The following CENPK variants were observed in gnomAD, a reference collection of about 807,000 sequenced individuals.
CENPK encodes SoxLZ/Sox6-binding protein Solt.
CENPK carries 46 observed loss-of-function variants against 40.9 expected under a neutral mutation model. That is an observed-to-expected ratio of 1.13 (90% CI 0.89 to 1.44). The LOEUF (loss-of-function observed/expected upper bound fraction) is 1.44, where lower values mean the gene tolerates loss of function less well. CENPK is among the 40% of genes most tolerant of loss of function. The probability of loss-of-function intolerance (pLI) is 0.00; values close to 1 mark genes in which losing one functional copy is unlikely to be tolerated. For missense variants in CENPK, 288 were observed against 303.5 expected (o/e 0.95, Z 0.38); for synonymous variants, 107 against 104.4 (o/e 1.02, Z -0.15).
At chr5:65,518,693 GAA>G in intron 10 of CENPK, 60 bp from the exon 11 acceptor site, 1 of 1,140,098 alleles carries the variant, frequency 8.8e-7, no homozygotes, top group South Asian at 1.5e-5. Context: ...ATAGCTATAA[GAA>G]AGTTTTTTGT....
intron 2 of CENPK, chr5:65,561,222 T>A (rs1487894848): frequency 7.8e-6 from 2 of 255,100 alleles, no homozygotes; most frequent in African/African-American, 4.4e-5. Flanking sequence ...ACAGTTTAAG[T>A]TCACAAAGCC....
chr5:65,511,938 C>T, the CENPK span, among the ~76,000 whole-genome samples: 24 of 152,216 alleles, frequency 1.6e-4, no homozygotes, highest in African/African-American at 5.3e-4. Flanking sequence ...GGAAATTATT[C>T]GCCACTCTAG....
intron 5 of CENPK, chr5:65,551,102 T>C: frequency 3.0e-6 from 1 of 334,630 alleles, no homozygotes. Flanking sequence ...AACCAACCAC[T>C]AACCAAGCAT....
chr5:65,520,783 G>C (rs2150339495), intron 10 of CENPK, among the ~76,000 whole-genome samples: 1 of 152,090 alleles, frequency 6.6e-6, no homozygotes, highest in African/African-American at 2.4e-5. Flanking sequence ...ATTTTAAAAG[G>C]GGGTACACTA....
the CENPK span, among the ~76,000 whole-genome samples, chr5:65,506,554 C>T: frequency 6.6e-6 from 1 of 152,118 alleles, no homozygotes; most frequent in Non-Finnish European, 1.5e-5. Context: ...GAGGCCAAGG[C>T]AGGCAGATCA....
downstream of CENPK, among the ~76,000 whole-genome samples, chr5:65,513,499 A>C (rs1034052918): frequency 1.3e-5 from 2 of 152,090 alleles, no homozygotes; most frequent in Non-Finnish European, 2.9e-5. Flanking sequence ...TTCCATATAG[A>C]TCTTGTACAA....
intron 2 of CENPK, among the ~76,000 whole-genome samples, chr5:65,560,288 TAAG>T (rs1371342632): frequency 6.6e-6 from 1 of 151,378 alleles, no homozygotes; most frequent in African/African-American, 2.4e-5. Flanking sequence ...TACAAATTCA[TAAG>T]AAGAAACCAA....
chr5:65,552,494 T>C lies in CENPK; in HGVS notation c.167A>G (p.Gln56Arg). The C allele has an allele frequency of 2.0e-6, 3 of 1,538,138 alleles. No individual in the cohort carries two copies. Among genetic ancestry groups the C allele is most frequent in the African/African-American group, 1.4e-5 (1 of 71,276 alleles). ...TTTTAGGAAGAAAAAGATTCATACC[T>C]GAGCATTTGAATCGGTGAGTGTTTC... ...GTETLTDSNAQLSLLIMQVKC... is the reference protein window; with the variant it reads ...GTETLTDSNARLSLLIMQVKC... The change falls in exon 4 of 11, where the codon CAG (glutamine) becomes CGG (arginine). Residue 56 changes from glutamine to arginine, a missense_variant and splice_region_variant. By Grantham distance (43) the Gln-to-Arg change is conservative. Transcript: ENST00000396679.
At chr5:65,551,514 T>G in intron 5 of CENPK, 50 bp downstream of exon 5, 1 of 948,498 alleles carries the variant, frequency 1.1e-6, no homozygotes, top group Non-Finnish European at 1.6e-6. Flanking sequence ...TTAAATTAAT[T>G]TGCTATTAAT....
chr5:65,541,287 C>T, intron 6 of CENPK: 1 of 433,654 alleles, frequency 2.3e-6, no homozygotes, highest in South Asian at 1.6e-5. Context: ...CCATTACTGG[C>T]AACTGGTATC....
At chr5:65,559,436 C>T (rs1193864447) in intron 2 of CENPK, among the ~76,000 whole-genome samples, 4 of 151,438 alleles carry the variant, frequency 2.6e-5, no homozygotes, top group African/African-American at 7.3e-5. Flanking sequence ...GAGACCATCC[C>T]GGCTAAAAGG....
intron 5 of CENPK, among the ~76,000 whole-genome samples, chr5:65,547,569 C>T (rs1296073869): frequency 2.0e-5 from 3 of 151,984 alleles, no homozygotes; most frequent in African/African-American, 4.8e-5. Context: ...GGAAAAATGG[C>T]TGACATTGGC....
chr5:65,509,539 A>G, the CENPK span, among the ~76,000 whole-genome samples: 1 of 152,218 alleles, frequency 6.6e-6, no homozygotes, highest in African/African-American at 2.4e-5. Context: ...CCATTTATTT[A>G]CTGAAGAATG....
At chr5:65,551,487 A>G in intron 5 of CENPK, 77 bp downstream of exon 5, 1 of 822,748 alleles carries the variant, frequency 1.2e-6, no homozygotes, top group South Asian at 2.2e-5. Context: ...TGGATCTTGT[A>G]ATTTTTCCTA....
intron 1 of CENPK, 184 bp downstream of exon 1, chr5:65,562,914 T>A (rs1185333343): frequency 5.6e-5 from 9 of 160,956 alleles, no homozygotes; most frequent in Admixed American, 5.5e-4. Flanking sequence ...CACCCTTCCA[T>A]CTTTCTCTAA....
chr5:65,549,250 A>G (rs1158091506), intron 5 of CENPK, among the ~76,000 whole-genome samples: 1 of 152,136 alleles, frequency 6.6e-6, no homozygotes, highest in African/African-American at 2.4e-5. Context: ...GTGGGCTTAA[A>G]CTATTCAGTA....
chr5:65,540,507 A>G (rs1747777924), intron 6 of CENPK, among the ~76,000 whole-genome samples: 1 of 152,196 alleles, frequency 6.6e-6, no homozygotes, highest in African/African-American at 2.4e-5. Context: ...GGGGCTGGTC[A>G]TAAAAAAAGA....
intron 2 of CENPK, among the ~76,000 whole-genome samples, chr5:65,558,558 C>T (rs983633049): frequency 3.3e-5 from 5 of 151,696 alleles, no homozygotes; most frequent in African/African-American, 1.2e-4. Context: ...GAAAGTACTG[C>T]GAGTTTAAGA....
intron 9 of CENPK, among the ~76,000 whole-genome samples, chr5:65,522,064 G>C: frequency 6.6e-6 from 1 of 151,106 alleles, no homozygotes; most frequent in South Asian, 2.1e-4. Flanking sequence ...AACTCTTATA[G>C]TAACTGGAAG....
Sources: allele counts gnomAD v4.1 joint callset (sites outside exome capture counted in the v4.1 genomes callset), GRCh38; gene constraint gnomAD v4.1.1; transcripts MANE v1.5; gene names NCBI Gene and HGNC (gene_info 2026-07-23, HGNC 2026-07-21).